The following CPSF6 variants were observed in gnomAD, a reference collection of about 807,000 sequenced individuals.
CPSF6 encodes cleavage and polyadenylation specificity factor subunit 6.
Under a neutral mutation model 56.7 loss-of-function variants are expected in CPSF6, and 10 were observed. That is an observed-to-expected ratio of 0.18 (90% CI 0.11 to 0.30). The LOEUF is 0.30. Among genes scored for constraint, CPSF6 ranks in the 10% least tolerant of loss-of-function variants. The pLI, the probability that CPSF6 is intolerant of heterozygous loss-of-function variation, is 1.00. For synonymous variants in CPSF6, 248 were observed against 244.8 expected (o/e 1.01, Z -0.12); for missense variants, 419 against 722.9 (o/e 0.58, Z 4.82).
chr12:69,256,706 T>A lies in CPSF6; in HGVS notation c.384T>A (p.Leu128=). 6.2e-7 allele frequency: 1 copy of A among 1,611,414 alleles called. No homozygotes were observed. The highest frequency in any genetic ancestry group is 8.5e-7 in the Non-Finnish European group (1 of 1,179,176). ...RANGQSKGFA[L]VGVGSEASSK... is the part of the protein sequence containing the mutation. ...CTTAAACACTTTTTAGGTTTGCCCT[T>A]GTTGGTGTTGGATCTGAAGCATCTT... Residue 128 remains leucine, a synonymous_variant, in exon 4 of 10, where the codon CTT becomes CTA. Transcript: ENST00000435070.
At chr12:69,264,335 AG>A (rs1213914836) in intron 9 of CPSF6, among the ~76,000 whole-genome samples, 4 of 152,116 alleles carry the variant, frequency 2.6e-5, no homozygotes, top group African/African-American at 9.6e-5. Flanking sequence ...GTGCCCATCA[AG>A]GGGCCTCTAA....
intron 9 of CPSF6, among the ~76,000 whole-genome samples, chr12:69,265,847 C>T (rs1051438828): frequency 6.6e-6 from 1 of 151,722 alleles, no homozygotes; most frequent in Non-Finnish European, 1.5e-5. Flanking sequence ...GGTGATCCAC[C>T]CATCTCTGCC....
At chr12:69,240,792 T>G (rs1217488963) in intron 1 of CPSF6, among the ~76,000 whole-genome samples, 1 of 150,892 alleles carries the variant, frequency 6.6e-6, no homozygotes, top group Non-Finnish European at 1.5e-5. Flanking sequence ...GGGGCTGTGA[T>G]GTCTGTTAAT....
intron 2 of CPSF6, 117 bp downstream of exon 2, chr12:69,251,455 G>T (rs10784773): frequency 0.33 from 214,504 of 643,366 alleles, 39,533 homozygotes; most frequent in Non-Finnish European, 0.4. Context: ...TTCTATATGT[G>T]TTTGCTTGTC....
chr12:69,254,912 G>A (rs1218043798), intron 3 of CPSF6: 1 of 152,082 alleles, frequency 6.6e-6, no homozygotes, highest in African/African-American at 2.4e-5. Flanking sequence ...TAATTCATAT[G>A]CCATAAAATG....
intron 1 of CPSF6, among the ~76,000 whole-genome samples, chr12:69,245,534 C>T (rs1871854928): frequency 6.6e-6 from 1 of 152,170 alleles, no homozygotes; most frequent in Admixed American, 6.5e-5. Context: ...TAAGAGGGGA[C>T]TACTATAATT....
At chr12:69,240,172 C>T (rs1451434235) in intron 1 of CPSF6, among the ~76,000 whole-genome samples, 1 of 152,174 alleles carries the variant, frequency 6.6e-6, no homozygotes, top group Non-Finnish European at 1.5e-5. Flanking sequence ...GCCGCTCGGG[C>T]TCCGATTCCT....
intron 1 of CPSF6, among the ~76,000 whole-genome samples, chr12:69,248,146 A>G (rs1269388666): frequency 1.3e-5 from 2 of 152,256 alleles, no homozygotes; most frequent in African/African-American, 4.8e-5. Flanking sequence ...AGTGATTGTG[A>G]TATACCAGGT....
intron 9 of CPSF6, among the ~76,000 whole-genome samples, chr12:69,266,816 A>C (rs1873009738): frequency 6.6e-6 from 1 of 152,156 alleles, no homozygotes; most frequent in South Asian, 2.1e-4. Context: ...TTGTAAGAGC[A>C]ATTATGTATG....
intron 7 of CPSF6, 70 bp from the exon 8 acceptor site, chr12:69,259,973 AT>A (rs1311967503): frequency 6.5e-7 from 1 of 1,527,316 alleles, no homozygotes; most frequent in African/African-American, 1.4e-5. Flanking sequence ...TATCACTCTT[AT>A]CCCAAGTGGT....
intron 7 of CPSF6, 41 bp from the exon 8 acceptor site, chr12:69,260,003 C>T: frequency 6.2e-7 from 1 of 1,600,644 alleles, no homozygotes; most frequent in Non-Finnish European, 8.5e-7. Context: ...GTTTTGAAAA[C>T]AAAATTTGTT....
chr12:69,260,272 A>G, intron 8 of CPSF6, 75 bp downstream of exon 8: 2 of 1,185,882 alleles, frequency 1.7e-6, no homozygotes, highest in South Asian at 3.1e-5. Context: ...TGAGACTTTA[A>G]AAGGAGGACT....
chr12:69,247,629 T>C (rs1347021264), intron 1 of CPSF6, among the ~76,000 whole-genome samples: 1 of 152,188 alleles, frequency 6.6e-6, no homozygotes, highest in Non-Finnish European at 1.5e-5. Flanking sequence ...TTTTAGTCTG[T>C]TCAGTAGGCT....
chr12:69,246,098 GATTA>G (rs1158483324), intron 1 of CPSF6, among the ~76,000 whole-genome samples: 1 of 152,096 alleles, frequency 6.6e-6, no homozygotes, highest in Non-Finnish European at 1.5e-5. Flanking sequence ...CACAAAAATA[GATTA>G]ATTACTTTTA....
chr12:69,270,339 A>G lies in CPSF6; in HGVS notation c.*831A>G, dbSNP rs1203316986. The stretch of plus-strand genomic sequence containing the variant: ...TTTTAACACATAAGTAAAAACCCGT[A>G]CATATTTGATGTGTAATGCAGGTTA... On this transcript the variant is annotated 3_prime_UTR_variant, in exon 10 of 10. Coordinates refer to ENST00000435070, the MANE Select transcript of CPSF6 (RefSeq NM_007007.3). 1 of 152,224 alleles carries G rather than the reference A, an allele frequency of 6.6e-6. No homozygotes were observed. Among genetic ancestry groups the G allele is most frequent in the Non-Finnish European group, 1.5e-5 (1 of 67,716 alleles). The allele number at this position is 152,224 out of a possible 1,614,324, so 9.4% of individuals were successfully genotyped here.
chr12:69,260,922 ATAATATTTC>A (rs1872716053), intron 8 of CPSF6, among the ~76,000 whole-genome samples: 2 of 152,194 alleles, frequency 1.3e-5, no homozygotes, highest in South Asian at 4.1e-4. Context: ...CATGCTCGTT[ATAATATTTC>A]TAATGCCTAC....
intron 1 of CPSF6, among the ~76,000 whole-genome samples, chr12:69,250,654 T>C (rs1319297755): frequency 1.6e-5 from 1 of 61,078 alleles, no homozygotes; most frequent in Non-Finnish European, 3.0e-5. Flanking sequence ...TTTGTTTTTT[T>C]GTTTTTTTTT....
intron 3 of CPSF6, among the ~76,000 whole-genome samples, chr12:69,256,438 T>G (rs1872512300): frequency 6.6e-6 from 1 of 152,216 alleles, no homozygotes; most frequent in South Asian, 2.1e-4. Context: ...TTAAAATTAT[T>G]TATTTTTAGA....
intron 1 of CPSF6, among the ~76,000 whole-genome samples, chr12:69,245,121 A>G (rs1441583239): frequency 6.6e-6 from 1 of 151,940 alleles, no homozygotes; most frequent in Non-Finnish European, 1.5e-5. Context: ...AAAAGTGTAA[A>G]AACAAAAAAG....
Sources: allele counts gnomAD v4.1 joint callset (sites outside exome capture counted in the v4.1 genomes callset), GRCh38; gene constraint gnomAD v4.1.1; transcripts MANE v1.5; gene names NCBI Gene and HGNC (gene_info 2026-07-23, HGNC 2026-07-21).